Variants in EPHA3 observed in about 807,000 individuals in gnomAD.
EPHA3 encodes the protein ephrin type-A receptor 3.
Under a neutral mutation model 107.1 loss-of-function variants are expected in EPHA3, and 42 were observed. The ratio of observed to expected loss-of-function variants is 0.39; its 90% confidence interval spans 0.31 to 0.51. EPHA3 has a LOEUF of 0.51. EPHA3 is among the 20% of genes least tolerant of loss of function. EPHA3 has a pLI of 0.78. For synonymous variants in EPHA3, 461 were observed against 424.8 expected, an observed-to-expected ratio of 1.09 and a Z score of -1.05; for missense variants, 1,183 against 1,211.2, an observed-to-expected ratio of 0.98 and a Z score of 0.35.
chr3:89,381,267 C>T (rs1008419784), intron 5 of EPHA3, among the ~76,000 whole-genome samples: 2 of 152,000 alleles, frequency 1.3e-5, no homozygotes, highest in African/African-American at 2.4e-5. Flanking sequence ...CCACCGCGCC[C>T]GGCCTATAGG....
In EPHA3 at chr3:89,359,790, T is replaced by TACATATATAC. The variant is rs1187925079; in HGVS notation, c.1306+17710_1306+17719dup. On this transcript the variant is annotated intron_variant, in intron 5 of 16. Coordinates refer to ENST00000336596, the MANE Select transcript of EPHA3 (RefSeq NM_005233.6). Reference sequence around the variant, plus strand: ...ATACACACATATATATACATATATATACATATATACACATATATATACATA... The same window carrying TACATATATAC: ...ATACACACATATATATACATATATATACATATATACACATATATACACATATATATACATA... 9.5e-4 allele frequency among the ~76,000 whole-genome samples: 134 copies of TACATATATAC among 141,068 alleles called. 3 individuals are homozygous for TACATATATAC. Among genetic ancestry groups the TACATATATAC allele is most frequent in the Non-Finnish European group, 1.4e-3 (93 of 66,140 alleles). 92.5% of individuals were successfully genotyped at this position (141,068 alleles called of 152,430 possible). A position where few individuals can be genotyped will look rare whatever the true frequency, so the allele number is the denominator to read the frequency against.
intron 3 of EPHA3, among the ~76,000 whole-genome samples, chr3:89,231,192 T>C (rs1704625383): frequency 6.6e-6 from 1 of 152,166 alleles, no homozygotes; most frequent in South Asian, 2.1e-4. Context: ...TTGGAGAAAC[T>C]ATTTACCTGC....
At chr3:89,309,883 C>A (rs1311502553) in intron 3 of EPHA3, among the ~76,000 whole-genome samples, 1 of 151,654 alleles carries the variant, frequency 6.6e-6, no homozygotes, top group Non-Finnish European at 1.5e-5. Context: ...CCCCACCCCC[C>A]ACACACAAAC....
At chr3:89,436,024 C>T (rs935698613) in intron 13 of EPHA3, among the ~76,000 whole-genome samples, 1 of 151,354 alleles carries the variant, frequency 6.6e-6, no homozygotes, top group Non-Finnish European at 1.5e-5. Flanking sequence ...ACCTGTGGTC[C>T]CAACTACTCA....
chr3:89,199,282 G>A (rs1366009957), intron 2 of EPHA3, among the ~76,000 whole-genome samples: 1 of 152,116 alleles, frequency 6.6e-6, no homozygotes, highest in East Asian at 1.9e-4. Context: ...ACTTCATCAC[G>A]ATAGTTTTAA....
At chr3:89,181,919 C>G (rs1211769475) in intron 2 of EPHA3, among the ~76,000 whole-genome samples, 8 of 151,732 alleles carry the variant, frequency 5.3e-5, no homozygotes, top group African/African-American at 9.7e-5. Context: ...TTTTAAGGGT[C>G]GCTGGGAAGG....
intron 3 of EPHA3, among the ~76,000 whole-genome samples, chr3:89,257,889 A>T (rs114383843): frequency 6.6e-6 from 1 of 152,078 alleles, no homozygotes; most frequent in Admixed American, 6.6e-5. Flanking sequence ...ACTGGCCAAC[A>T]TGGATGCTAA....
chr3:89,218,352 C>T (rs539970085), intron 3 of EPHA3, among the ~76,000 whole-genome samples: 5 of 141,388 alleles, frequency 3.5e-5, no homozygotes, highest in African/African-American at 5.2e-5. Context: ...CATGTGTTCT[C>T]GTTGTTCAAT....
At chr3:89,211,400 C>A (rs1178676984) in intron 3 of EPHA3, among the ~76,000 whole-genome samples, 2 of 151,928 alleles carry the variant, frequency 1.3e-5, no homozygotes, top group Non-Finnish European at 2.9e-5. Context: ...AATTGTTACT[C>A]AAATTTTAAA....
intron 3 of EPHA3, among the ~76,000 whole-genome samples, chr3:89,284,702 T>C (rs1399099986): frequency 6.6e-6 from 1 of 152,188 alleles, no homozygotes; most frequent in African/African-American, 2.4e-5. Context: ...ATTCAACTTA[T>C]TACCATAGCC....
chr3:89,419,408 A>G lies in EPHA3; in HGVS notation c.2074+18A>G. ...TACCAAAAGTAAGTAAAGTAGTCAT[A>G]AGACCTGTGTTTCCGTATGTTGAGC... is the stretch of plus-strand genomic sequence containing the variant. On this transcript the variant is annotated intron_variant, in intron 11 of 16. Transcript: ENST00000336596. The G allele has an allele frequency of 6.4e-7, 1 of 1,561,974 alleles. No individual in the cohort carries two copies. Among genetic ancestry groups the G allele is most frequent in the Non-Finnish European group, 8.6e-7 (1 of 1,156,082 alleles).
At chr3:89,191,833 C>T (rs1344008069) in intron 2 of EPHA3, among the ~76,000 whole-genome samples, 3 of 152,116 alleles carry the variant, frequency 2.0e-5, no homozygotes, top group South Asian at 2.1e-4. Flanking sequence ...GAAATGTTAA[C>T]ATTTTTCTTT....
At chr3:89,282,313 A>T (rs559079375) in intron 3 of EPHA3, among the ~76,000 whole-genome samples, 1 of 152,178 alleles carries the variant, frequency 6.6e-6, no homozygotes, top group Non-Finnish European at 1.5e-5. Flanking sequence ...TACTGAGCAC[A>T]TACTATATGC....
At chr3:89,438,762 T>A (rs1709724101) in intron 13 of EPHA3, among the ~76,000 whole-genome samples, 2 of 152,222 alleles carry the variant, frequency 1.3e-5, no homozygotes, top group Admixed American at 6.5e-5. Context: ...CCTCCCCTTA[T>A]GATCAATATG....
chr3:89,339,331 AC>A (rs1179044206), intron 3 of EPHA3, among the ~76,000 whole-genome samples: 1 of 145,410 alleles, frequency 6.9e-6, no homozygotes, highest in Non-Finnish European at 1.5e-5. Flanking sequence ...AGATTGTGCC[AC>A]TGCACTCAAG....
chr3:89,142,707 A>G (rs1576179977), intron 2 of EPHA3, among the ~76,000 whole-genome samples: 1 of 151,494 alleles, frequency 6.6e-6, no homozygotes. Context: ...TGCACCAAAA[A>G]AAGAAGATTT....
Position 89,151,583 on chromosome 3 carries a change from G to A in EPHA3, c.153+24310G>A, listed in dbSNP as rs535697287. Reference sequence around the variant, plus strand: ...TGCTTTGCGGGAGATGCCACAGCACGTGCCAGCTGCCTATTTCAGTACTGT... The same window carrying A: ...TGCTTTGCGGGAGATGCCACAGCACATGCCAGCTGCCTATTTCAGTACTGT... On this transcript the variant is annotated intron_variant, in intron 2 of 16. Transcript: ENST00000336596. Among the ~76,000 whole-genome samples the A allele has an allele frequency of 6.6e-5, 10 of 152,192 alleles. No homozygotes were observed. In the East Asian group the frequency reaches 1.6e-3, roughly 24 times the overall value.
At chr3:89,150,130 T>A (rs1471015043) in intron 2 of EPHA3, among the ~76,000 whole-genome samples, 1 of 152,006 alleles carries the variant, frequency 6.6e-6, no homozygotes, top group Non-Finnish European at 1.5e-5. Context: ...TAACGGATAT[T>A]GATTTCATGC....
At chr3:89,161,215 T>TA (rs11432697) in intron 2 of EPHA3, among the ~76,000 whole-genome samples, 35,191 of 151,934 alleles carry the variant, frequency 0.23, 4,209 homozygotes, top group Middle Eastern at 0.33. Flanking sequence ...GAAACTAGAA[T>TA]AAAAAAGGAA....
Sources: allele counts gnomAD v4.1 joint callset (sites outside exome capture counted in the v4.1 genomes callset), GRCh38; gene constraint gnomAD v4.1.1; transcripts MANE v1.5; gene names NCBI Gene and HGNC (gene_info 2026-07-23, HGNC 2026-07-21).